The following POU2F1 variants were observed in gnomAD, a reference collection of about 807,000 sequenced individuals.
POU2F1 encodes the protein POU domain, class 2, transcription factor 1.
POU2F1 carries 16 observed loss-of-function variants against 84.9 expected under a neutral mutation model. The observed-to-expected ratio is 0.19, with a 90% CI of 0.13 to 0.29. POU2F1 has a LOEUF of 0.29. POU2F1 is among the 10% of genes least tolerant of loss of function. The pLI is 1.00. For missense variants in POU2F1, 738 were observed against 942.6 expected (o/e 0.78, Z 2.84); for synonymous variants, 368 against 368.3 (o/e 1.00, Z 0.01).
At chr1:167,221,022 C>T (rs1350807773) in intron 1 of POU2F1, 64 bp downstream of exon 1, 2 of 1,370,680 alleles carry the variant, frequency 1.5e-6, no homozygotes, top group African/African-American at 1.4e-5. Context: ...CTGCCCCCCC[C>T]CGCGACTTAG....
intron 4 of POU2F1, among the ~76,000 whole-genome samples, chr1:167,371,627 C>G (rs763161871): frequency 7.2e-5 from 11 of 152,092 alleles, no homozygotes; most frequent in Non-Finnish European, 1.5e-4. Context: ...CTTCCCTTTA[C>G]CCCCTATTTC....
intron 1 of POU2F1, among the ~76,000 whole-genome samples, chr1:167,328,613 A>G (rs1203651255): frequency 6.6e-6 from 1 of 152,150 alleles, no homozygotes; most frequent in East Asian, 1.9e-4. Context: ...GTGGCATTTT[A>G]ACAGAACTCT....
chr1:167,328,786 ATATT>A (rs1656880074), intron 1 of POU2F1, among the ~76,000 whole-genome samples: 1 of 152,176 alleles, frequency 6.6e-6, no homozygotes, highest in Admixed American at 6.5e-5. Flanking sequence ...AGCCTGATAA[ATATT>A]TATGCAACGA....
chr1:167,254,245 T>C (rs1650966662), intron 1 of POU2F1, among the ~76,000 whole-genome samples: 1 of 152,232 alleles, frequency 6.6e-6, no homozygotes, highest in South Asian at 2.1e-4. Flanking sequence ...TATGATGGAA[T>C]ACATATAAAA....
chr1:167,409,585 A>G (rs972034038), intron 13 of POU2F1, among the ~76,000 whole-genome samples: 7 of 152,242 alleles, frequency 4.6e-5, no homozygotes, highest in African/African-American at 1.7e-4. Flanking sequence ...GCTTATTTAT[A>G]TAACATTTAT....
chr1:167,396,162 G>A, intron 9 of POU2F1, 124 bp from the exon 10 acceptor site: 1 of 1,134,562 alleles, frequency 8.8e-7, no homozygotes, highest in South Asian at 1.5e-5. Context: ...CCCCGTAAGT[G>A]GAATAATTAC....
intron 7 of POU2F1, chr1:167,381,126 A>AG (rs1647508436): frequency 6.6e-6 from 1 of 152,290 alleles, no homozygotes; most frequent in Admixed American, 6.5e-5. Context: ...TCTGTCGCCC[A>AG]GGCTGGAGTG....
chr1:167,413,234 T>A, intron 15 of POU2F1, 120 bp downstream of exon 15: 1 of 892,992 alleles, frequency 1.1e-6, no homozygotes, highest in Non-Finnish European at 1.7e-6. Context: ...GAGGTAAAAG[T>A]GATGGGAAAG....
chr1:167,306,916 A>G (rs1655112306), intron 1 of POU2F1, among the ~76,000 whole-genome samples: 1 of 152,204 alleles, frequency 6.6e-6, no homozygotes, highest in South Asian at 2.1e-4. Flanking sequence ...TTTGGGGAAG[A>G]CACAGTTCAA....
chr1:167,253,511 T>C (rs1377392627), intron 1 of POU2F1, among the ~76,000 whole-genome samples: 1 of 151,948 alleles, frequency 6.6e-6, no homozygotes, highest in East Asian at 1.9e-4. Context: ...CTGCAACCTG[T>C]GCCTCTCAGG....
intron 2 of POU2F1, among the ~76,000 whole-genome samples, chr1:167,365,070 A>C (rs1263102545): frequency 1.3e-5 from 2 of 152,230 alleles, no homozygotes; most frequent in East Asian, 3.8e-4. Flanking sequence ...CTCTTGGCAA[A>C]GTCGCCAGTG....
chr1:167,264,891 G>A (rs1651831885), intron 1 of POU2F1, among the ~76,000 whole-genome samples: 1 of 152,002 alleles, frequency 6.6e-6, no homozygotes, highest in African/African-American at 2.4e-5. Flanking sequence ...TCCGAGACAT[G>A]CTCCCACCTC....
At chr1:167,290,430 C>T (rs989630329) in intron 1 of POU2F1, among the ~76,000 whole-genome samples, 1 of 152,210 alleles carries the variant, frequency 6.6e-6, no homozygotes, top group African/African-American at 2.4e-5. Flanking sequence ...CACATGTTCT[C>T]TTTTGTGTTG....
At chr1:167,278,315 A>G (rs1038519610) in intron 1 of POU2F1, among the ~76,000 whole-genome samples, 2 of 152,232 alleles carry the variant, frequency 1.3e-5, no homozygotes, top group African/African-American at 4.8e-5. Context: ...TTTTGCTTAT[A>G]GCATTTATCA....
chr1:167,316,305 T>C (rs1655895593), intron 1 of POU2F1, among the ~76,000 whole-genome samples: 1 of 152,224 alleles, frequency 6.6e-6, no homozygotes, highest in Admixed American at 6.5e-5. Flanking sequence ...GGACCCATCT[T>C]TGAAGATTCC....
intron 1 of POU2F1, among the ~76,000 whole-genome samples, chr1:167,305,026 C>G (rs955382552): frequency 4.6e-5 from 7 of 152,040 alleles, no homozygotes; most frequent in Non-Finnish European, 7.4e-5. Context: ...GAGAAAATCT[C>G]TTCTTAGTAA....
At chr1:167,253,696 G>T (rs560951457) in intron 1 of POU2F1, among the ~76,000 whole-genome samples, 13 of 152,034 alleles carry the variant, frequency 8.6e-5, no homozygotes, top group African/African-American at 3.1e-4. Context: ...CAAAGTGCTG[G>T]GATTATAAGC....
intron 2 of POU2F1, among the ~76,000 whole-genome samples, chr1:167,345,111 T>G (rs1445927105): frequency 6.6e-6 from 1 of 152,166 alleles, no homozygotes; most frequent in Non-Finnish European, 1.5e-5. Context: ...CAAACCACCG[T>G]GGTACACGTG....
chr1:167,378,342 TCTC>T (rs1408948207), intron 7 of POU2F1, among the ~76,000 whole-genome samples: 3 of 151,746 alleles, frequency 2.0e-5, no homozygotes, highest in South Asian at 4.2e-4. Flanking sequence ...TTCAAGCAAT[TCTC>T]CTGCCTCGGC....
Sources: gnomAD v4.1 joint callset for allele counts (sites outside exome capture counted in the v4.1 genomes callset) on GRCh38, gnomAD v4.1.1 for gene constraint, MANE v1.5 for transcripts, NCBI Gene and HGNC (gene_info 2026-07-23, HGNC 2026-07-21) for gene names.